The following SLC22A3 variants were observed in gnomAD, a reference collection of about 807,000 sequenced individuals.
SLC22A3 encodes the protein EMT organic cation transporter 3.
Under a neutral mutation model 59.1 loss-of-function variants are expected in SLC22A3, and 51 were observed. The observed-to-expected ratio is 0.86, with a 90% CI of 0.69 to 1.09. SLC22A3 has a LOEUF of 1.09. SLC22A3 is among the 50% of genes least tolerant of loss of function. SLC22A3 has a pLI of 0.00. For synonymous variants in SLC22A3, 325 were observed against 292.0 expected, an observed-to-expected ratio of 1.11 and a Z score of -1.15; for missense variants, 711 against 726.3, an observed-to-expected ratio of 0.98 and a Z score of 0.24.
Position 160,348,518 on chromosome 6 carries a change from C to A in SLC22A3, c.99C>A (p.Ala33=). 6.4e-7 allele frequency: 1 copy of A among 1,567,486 alleles called. No homozygotes were observed. Residue 33 remains alanine, a synonymous_variant, in exon 1 of 11, where the codon GCC becomes GCA. Transcript: ENST00000275300. The part of the protein sequence containing the change: ...LLLCLTGVTF[A]FLFVGVVFLG... ...TGTGCCTGACGGGCGTCACCTTCGC[C>A]TTCCTCTTCGTCGGCGTGGTCTTCC... is the stretch of plus-strand genomic sequence containing the variant.
chr6:160,393,969 A>G (rs1434082092), intron 1 of SLC22A3, among the ~76,000 whole-genome samples: 1 of 152,262 alleles, frequency 6.6e-6, no homozygotes, highest in Non-Finnish European at 1.5e-5. Context: ...TGTTATCCTT[A>G]CATTACACCA....
chr6:160,432,096 G>T (rs1012642365), intron 5 of SLC22A3, among the ~76,000 whole-genome samples: 1 of 152,196 alleles, frequency 6.6e-6, no homozygotes, highest in Non-Finnish European at 1.5e-5. Context: ...GATTTCTTCA[G>T]GAACTTCTGA....
intron 7 of SLC22A3, among the ~76,000 whole-genome samples, chr6:160,439,222 G>C (rs765449497): frequency 6.6e-6 from 1 of 152,068 alleles, no homozygotes; most frequent in Non-Finnish European, 1.5e-5. Context: ...TAAGAAGAGT[G>C]AAAAATCGCA....
In SLC22A3 at chr6:160,437,193, A is replaced by T. The variant is rs761163400; in HGVS notation, c.1270A>T (p.Thr424Ser). The change falls in exon 7 of 11, where the codon ACT (threonine) becomes TCT (serine). Residue 424 changes from threonine (T) to serine (S), a missense_variant. Physicochemically the swap from Thr to Ser is moderately conservative, Grantham distance 58. Transcript: ENST00000275300. Reference protein sequence around the residue: ...NIVAGVACLVTAFLPEGIAWL... With the variant: ...NIVAGVACLVSAFLPEGIAWL... Reference sequence around the variant, plus strand: ...AGTGGCAGGGGTGGCATGCCTTGTCACTGCGTTCTTACCAGAAGGTAATCT... The same window carrying T: ...AGTGGCAGGGGTGGCATGCCTTGTCTCTGCGTTCTTACCAGAAGGTAATCT... The T allele has an allele frequency of 2.5e-6, 4 of 1,614,072 alleles. No homozygotes were observed. The East Asian group carries it at 8.9e-5, about 36-fold the overall frequency.
At chr6:160,351,564 T>C (rs1481216820) in intron 1 of SLC22A3, among the ~76,000 whole-genome samples, 1 of 152,266 alleles carries the variant, frequency 6.6e-6, no homozygotes, top group Non-Finnish European at 1.5e-5. Context: ...TATTTTGCTG[T>C]CTTTGGTTCA....
chr6:160,420,630 CTTGT>C (rs1554272851), intron 5 of SLC22A3, among the ~76,000 whole-genome samples: 1 of 152,182 alleles, frequency 6.6e-6, no homozygotes, highest in Non-Finnish European at 1.5e-5. Context: ...GCCAACTGTC[CTTGT>C]TTGCCCAGGG....
chr6:160,384,197 G>A (rs1009664834), intron 1 of SLC22A3, among the ~76,000 whole-genome samples: 4 of 152,124 alleles, frequency 2.6e-5, no homozygotes, highest in African/African-American at 9.7e-5. Context: ...CCCAAAGTGA[G>A]CCACCACGCC....
intron 1 of SLC22A3, among the ~76,000 whole-genome samples, chr6:160,351,753 A>G (rs908114963): frequency 2.0e-5 from 3 of 152,220 alleles, no homozygotes; most frequent in Non-Finnish European, 4.4e-5. Context: ...ATGCCTCCAT[A>G]TAGCTATAAT....
chr6:160,417,418 C>T (rs1326013398), intron 5 of SLC22A3, among the ~76,000 whole-genome samples: 1 of 152,216 alleles, frequency 6.6e-6, no homozygotes, highest in Non-Finnish European at 1.5e-5. Context: ...AACTACTGCT[C>T]AATGTGTCTG....
intron 1 of SLC22A3, among the ~76,000 whole-genome samples, chr6:160,352,368 G>A (rs960876439): frequency 6.6e-6 from 1 of 152,136 alleles, no homozygotes; most frequent in Non-Finnish European, 1.5e-5. Flanking sequence ...GCCTTATCTT[G>A]TTGTCAGATA....
chr6:160,411,883 AT>A (rs1460478374), intron 5 of SLC22A3, among the ~76,000 whole-genome samples: 1 of 152,244 alleles, frequency 6.6e-6, no homozygotes, highest in Non-Finnish European at 1.5e-5. Context: ...GAAAAATATG[AT>A]GATGTTTTAG....
intron 1 of SLC22A3, among the ~76,000 whole-genome samples, chr6:160,367,757 C>A (rs1312815771): frequency 2.6e-5 from 4 of 152,194 alleles, no homozygotes; most frequent in African/African-American, 9.7e-5. Context: ...TGATGGGGCA[C>A]TGTTACGGGT....
intron 1 of SLC22A3, among the ~76,000 whole-genome samples, chr6:160,356,338 G>A (rs959740488): frequency 6.6e-6 from 1 of 152,230 alleles, no homozygotes; most frequent in African/African-American, 2.4e-5. Context: ...TGCTCATGGG[G>A]TCTGTGTCCG....
chr6:160,418,683 C>T (rs57128756), intron 5 of SLC22A3, among the ~76,000 whole-genome samples: 1,665 of 152,228 alleles, frequency 0.011, 34 homozygotes, highest in African/African-American at 0.037. Context: ...TTTTTACTCC[C>T]AGGATCTTAA....
chr6:160,353,759 A>G (rs1209234205), intron 1 of SLC22A3, among the ~76,000 whole-genome samples: 1 of 151,978 alleles, frequency 6.6e-6, no homozygotes, highest in African/African-American at 2.4e-5. Context: ...CTTTTTCACA[A>G]ACATCTAGGG....
intron 5 of SLC22A3, among the ~76,000 whole-genome samples, chr6:160,421,241 TC>T (rs1787722952): frequency 6.6e-6 from 1 of 152,164 alleles, no homozygotes; most frequent in Non-Finnish European, 1.5e-5. Flanking sequence ...AGCCCTTTTT[TC>T]CCTAGCTAGC....
chr6:160,406,957 AT>A, intron 2 of SLC22A3, 83 bp from the exon 3 acceptor site: 3 of 1,448,308 alleles, frequency 2.1e-6, no homozygotes, highest in Non-Finnish European at 2.9e-6. Context: ...ATAATATGGT[AT>A]GATATAATAT....
intron 10 of SLC22A3, among the ~76,000 whole-genome samples, chr6:160,449,712 A>C (rs1788877940): frequency 6.6e-6 from 1 of 152,224 alleles, no homozygotes; most frequent in South Asian, 2.1e-4. Flanking sequence ...ACCAGCCCCC[A>C]ATATTTCAGC....
intron 1 of SLC22A3, among the ~76,000 whole-genome samples, chr6:160,350,623 T>G (rs1041277436): frequency 2.6e-5 from 4 of 152,114 alleles, no homozygotes; most frequent in Non-Finnish European, 1.5e-5. Context: ...CATTTAAAGA[T>G]GAAGAATAAA....
Sources: gnomAD v4.1 joint callset for allele counts (sites outside exome capture counted in the v4.1 genomes callset) on GRCh38, gnomAD v4.1.1 for gene constraint, MANE v1.5 for transcripts, NCBI Gene and HGNC (gene_info 2026-07-23, HGNC 2026-07-21) for gene names.